DNAH5: variants seen among roughly 807,000 people sequenced by gnomAD.
The protein encoded by DNAH5 is axonemal beta dynein heavy chain 5.
Under a neutral mutation model 518.2 loss-of-function variants are expected in DNAH5, and 372 were observed. The ratio of observed to expected loss-of-function variants is 0.72; its 90% CI spans 0.66 to 0.78. The LOEUF is 0.78. Ranked by LOEUF, DNAH5 falls within the 30% of genes least tolerant of loss-of-function variation. The pLI, the probability that DNAH5 is intolerant of heterozygous loss-of-function variation, is 0.00. For synonymous variants in DNAH5, 2,039 were observed against 2,025.9 expected (o/e 1.01, Z -0.17); for missense variants, 5,523 against 5,687.0 (o/e 0.97, Z 0.93).
In DNAH5 at chr5:13,810,099, C is replaced by T. The variant is rs986872979; in HGVS notation, c.7569G>A (p.Gly2523=). ...AGTAGTCGAAGGCGGTGTCCCCGGG[C>T]CCCGCTGGCGGCGGCAGCTCCAGCG... ...TGTLELPPPA[G]PGDTAFDYYV... Residue 2523 remains glycine, a synonymous_variant, in exon 45 of 79, where the codon GGG becomes GGA. Transcript: ENST00000265104. 1 of 1,552,362 alleles carries T rather than the reference C, an allele frequency of 6.4e-7. No individual in the cohort carries two copies. Among genetic ancestry groups the T allele is most frequent in the Admixed American group, 1.9e-5 (1 of 51,570 alleles).
Position 13,784,511 on chromosome 5 carries a change from C to T in DNAH5, c.8820+1668G>A, listed in dbSNP as rs376944914. Among the ~76,000 whole-genome samples the T allele has an allele frequency of 6.6e-5, 10 of 152,296 alleles. No homozygotes were observed. In the East Asian group the frequency reaches 1.2e-3, roughly 18 times the overall value. On this transcript the variant is annotated intron_variant, in intron 52 of 78. Coordinates refer to ENST00000265104, the MANE Select transcript of DNAH5 (RefSeq NM_001369.3). Reference sequence around the variant, plus strand: ...AGCCTCTCTGTCTTCCTCCCTCTCTCTGACTTACTCCAGCCTTGCAGAAAT... The same window carrying T: ...AGCCTCTCTGTCTTCCTCCCTCTCTTTGACTTACTCCAGCCTTGCAGAAAT...
At chr5:13,769,654 T>G (rs749447316) in intron 56 of DNAH5, 39 bp from the exon 57 acceptor site, 2 of 1,537,472 alleles carry the variant, frequency 1.3e-6, no homozygotes, top group Non-Finnish European at 1.8e-6. Flanking sequence ...TTAAAATGTG[T>G]AGGACTTGGA....
In DNAH5 at chr5:13,920,627, A is replaced by C; in HGVS notation, c.661-10T>G. 6.2e-7 allele frequency: 1 copy of C among 1,614,008 alleles called. No homozygotes were observed. Among genetic ancestry groups the C allele is most frequent in the Non-Finnish European group, 8.5e-7 (1 of 1,179,884 alleles). ...ACTTTCGAAGGTTCACCTAATTAGA[A>C]TGAAAATTAAATAATCAGATGATGC... On this transcript the variant is annotated splice_polypyrimidine_tract_variant and intron_variant, in intron 5 of 78. Coordinates refer to ENST00000265104, the MANE Select transcript of DNAH5 (RefSeq NM_001369.3).
At chr5:13,949,465 T>C (rs1780200776), upstream of DNAH5, among the ~76,000 whole-genome samples, 1 of 152,200 alleles carries the variant, frequency 6.6e-6, no homozygotes, top group African/African-American at 2.4e-5. Flanking sequence ...ATATGGTTGG[T>C]TGATTTTGTC....
intron 65 of DNAH5, among the ~76,000 whole-genome samples, chr5:13,747,412 G>T (rs1176572414): frequency 3.9e-5 from 6 of 152,204 alleles, no homozygotes. Flanking sequence ...CCAGTAATGG[G>T]ATGGCAGGGT....
chr5:13,937,047 G>A (rs73061238), intron 1 of DNAH5, among the ~76,000 whole-genome samples: 60,288 of 151,276 alleles, frequency 0.4, 13,308 homozygotes, highest in East Asian at 0.69. Flanking sequence ...TGAAGAAGAC[G>A]TTATTATCTC....
At chr5:13,803,736 C>T (rs1759126704) in intron 47 of DNAH5, among the ~76,000 whole-genome samples, 1 of 152,120 alleles carries the variant, frequency 6.6e-6, no homozygotes, top group Non-Finnish European at 1.5e-5. Flanking sequence ...CACAGGGATC[C>T]CTTGCAGGAA....
chr5:13,874,649 C>G (rs576267142), intron 22 of DNAH5, among the ~76,000 whole-genome samples: 3 of 152,210 alleles, frequency 2.0e-5, no homozygotes, highest in African/African-American at 7.2e-5. Flanking sequence ...TAATGAGTAG[C>G]TGGGATTATA....
At chr5:13,981,713 T>C (rs1301062611) in intron 1 of DNAH5, among the ~76,000 whole-genome samples, 2 of 152,184 alleles carry the variant, frequency 1.3e-5, no homozygotes, top group Non-Finnish European at 2.9e-5. Flanking sequence ...GCTTTATCAG[T>C]AATAACAGAT....
chr5:13,691,761 T>G lies in DNAH5; in HGVS notation c.*223A>C, dbSNP rs997910703. ...CTTCATTAGGATGCTGTAAATTTAC[T>G]TTTATATCACTAAATAACATTTTCA... On this transcript the variant is annotated 3_prime_UTR_variant, in exon 79 of 79. Transcript: ENST00000265104. 4 of 573,094 alleles carry G rather than the reference T, an allele frequency of 7.0e-6. No homozygotes were observed. The African/African-American group carries it at 7.5e-5, about 11-fold the overall frequency. 35.5% of individuals were successfully genotyped at this position (573,094 alleles called of 1,614,324 possible). A position where few individuals can be genotyped will look rare whatever the true frequency, so the allele number is the denominator to read the frequency against.
intron 18 of DNAH5, 33 bp downstream of exon 18, chr5:13,885,931 A>G: frequency 3.8e-6 from 6 of 1,599,614 alleles, no homozygotes; most frequent in Non-Finnish European, 5.1e-6. Flanking sequence ...ATGTCATAGA[A>G]AAACAAGACC....
chr5:13,729,378 G>C, intron 69 of DNAH5, 61 bp downstream of exon 69: 1 of 1,605,268 alleles, frequency 6.2e-7, no homozygotes, highest in Non-Finnish European at 8.5e-7. Flanking sequence ...ATTGTACCTA[G>C]TGATAAATCA....
intron 78 of DNAH5, among the ~76,000 whole-genome samples, chr5:13,694,804 T>C (rs1741147682): frequency 6.6e-6 from 1 of 152,242 alleles, no homozygotes; most frequent in Admixed American, 6.5e-5. Context: ...TAACATACAC[T>C]ATTTCTTTCA....
At position 13,867,616 on chromosome 5, in the gene DNAH5, G is replaced by GA. The variant is rs3058927; in HGVS notation, c.4053+157dup. On this transcript the variant is annotated intron_variant, in intron 25 of 78. Coordinates refer to ENST00000265104, the MANE Select transcript of DNAH5 (RefSeq NM_001369.3). The stretch of plus-strand genomic sequence containing the variant: ...AGAAACTCTAAGGGGAAAGAATTGT[G>GA]AAAAAAAATGTTTTTCTCTCATGAA... 8.7e-3 allele frequency among the ~76,000 whole-genome samples: 1,320 copies of GA among 151,628 alleles called. 6 individuals carry two copies. The highest frequency in any genetic ancestry group is 0.014 in the African/African-American group (563 of 41,338).
chr5:13,909,282 T>C (rs201171699), intron 12 of DNAH5, among the ~76,000 whole-genome samples: 2 of 152,142 alleles, frequency 1.3e-5, no homozygotes, highest in African/African-American at 2.4e-5. Context: ...ATTTACAAAA[T>C]AGGCAGAGTA....
rs187571902 is a variant in DNAH5, at chr5:13,746,442, A to G, written c.11211+4636T>C. Among the ~76,000 whole-genome samples the G allele has an allele frequency of 1.1e-4, 17 of 152,262 alleles. No individual in the cohort carries two copies. In the East Asian group the frequency reaches 3.3e-3, roughly 29 times the overall value. On this transcript the variant is annotated intron_variant, in intron 65 of 78. Transcript: ENST00000265104. The stretch of plus-strand genomic sequence containing the variant: ...AGGGTGATATCTGAATGCATGAAAG[A>G]GGGAGGACAGGCCAACACACGGTTT...
chr5:13,840,580 T>C (rs1179990502), intron 34 of DNAH5, among the ~76,000 whole-genome samples: 1 of 152,210 alleles, frequency 6.6e-6, no homozygotes. Flanking sequence ...AAACTGGTGA[T>C]CTTCAATTAA....
intron 58 of DNAH5, among the ~76,000 whole-genome samples, chr5:13,768,455 T>C (rs1189995379): frequency 1.3e-5 from 2 of 152,232 alleles, no homozygotes; most frequent in African/African-American, 2.4e-5. Context: ...AACATCTTTA[T>C]ACAGTGTGAA....
chr5:13,791,146 G>A (rs965955380), intron 50 of DNAH5, among the ~76,000 whole-genome samples: 9 of 152,158 alleles, frequency 5.9e-5, no homozygotes, highest in Admixed American at 5.9e-4. Flanking sequence ...TATATTGCAA[G>A]CATCTGGACA....
Sources: allele counts gnomAD v4.1 joint callset (sites outside exome capture counted in the v4.1 genomes callset), GRCh38; gene constraint gnomAD v4.1.1; transcripts MANE v1.5; gene names NCBI Gene and HGNC (gene_info 2026-07-23, HGNC 2026-07-21).